The following COPZ1 variants were observed in gnomAD, a reference collection of about 807,000 sequenced individuals.
The protein encoded by COPZ1 is coat protein complex I subunit zeta 1.
COPZ1 carries 4 observed loss-of-function variants against 31.7 expected under a neutral mutation model. That is an observed-to-expected ratio of 0.13 (90% confidence interval 0.06 to 0.29). The LOEUF (loss-of-function observed/expected upper bound fraction) is 0.29. COPZ1 is among the 10% of genes least tolerant of loss of function. The probability of loss-of-function intolerance (pLI) is 1.00; values close to 1 mark genes in which losing one functional copy is unlikely to be tolerated. For missense variants in COPZ1, 156 were observed against 211.5 expected (o/e 0.74, Z 1.63); for synonymous variants, 74 against 79.0 (o/e 0.94, Z 0.33).
At chr12:54,328,472 A>C (rs1953700291) in intron 1 of COPZ1, among the ~76,000 whole-genome samples, 1 of 151,886 alleles carries the variant, frequency 6.6e-6, no homozygotes, top group South Asian at 2.1e-4. Flanking sequence ...AAGCTGAGGC[A>C]AGAGAATCAC....
chr12:54,347,377 A>G (rs1288207258), intron 5 of COPZ1, among the ~76,000 whole-genome samples: 1 of 152,206 alleles, frequency 6.6e-6, no homozygotes, highest in Non-Finnish European at 1.5e-5. Flanking sequence ...TAAGGTTTGC[A>G]TTGAACCCCT....
At chr12:54,342,452 G>A (rs931033157) in intron 3 of COPZ1, 165 bp downstream of exon 3, 5 of 611,178 alleles carry the variant, frequency 8.2e-6, no homozygotes, top group East Asian at 5.6e-5. Flanking sequence ...GGAGGTGAGT[G>A]TACCTCACGC....
chr12:54,350,590 T>A lies in COPZ1; in HGVS notation c.*67T>A. ...TGCATGTCTGCTGTGAATTTTCATC[T>A]AGTTCCCCAATCGATGCTCTCAGGG... On this transcript the variant is annotated 3_prime_UTR_variant, in exon 9 of 9. Transcript: ENST00000262061. The A allele has an allele frequency of 8.0e-7, 1 of 1,244,872 alleles. No homozygotes were observed. The highest frequency in any genetic ancestry group is 1.2e-6 in the Non-Finnish European group (1 of 843,056). The allele number at this position is 1,244,872 out of a possible 1,614,324, so 77.1% of individuals were successfully genotyped here.
intron 2 of COPZ1, among the ~76,000 whole-genome samples, chr12:54,341,152 A>G (rs1473994435): frequency 6.6e-6 from 1 of 152,210 alleles, no homozygotes; most frequent in Non-Finnish European, 1.5e-5. Flanking sequence ...GGTTCCTAAC[A>G]AAGCAGTATG....
intron 2 of COPZ1, among the ~76,000 whole-genome samples, chr12:54,341,655 G>T: frequency 6.6e-6 from 1 of 152,240 alleles, no homozygotes; most frequent in Non-Finnish European, 1.5e-5. Flanking sequence ...TTGCCAGGGA[G>T]AGCCTGGGAA....
At chr12:54,326,682 G>GTGT (rs1178809746) in intron 1 of COPZ1, among the ~76,000 whole-genome samples, 5 of 106,216 alleles carry the variant, frequency 4.7e-5, no homozygotes, top group Admixed American at 9.7e-5. Context: ...TGTGTGTGTA[G>GTGT]GTAGGTAGGT....
At position 54,351,782 on chromosome 12, in the gene COPZ1, G is replaced by C. The variant is rs957824091; in HGVS notation, c.*1259G>C. 1 of 152,192 alleles carries C rather than the reference G, an allele frequency of 6.6e-6. No individual in the cohort carries two copies. The highest frequency in any genetic ancestry group is 2.4e-5 in the African/African-American group (1 of 41,428). 9.4% of individuals were successfully genotyped at this position (152,192 alleles called of 1,614,324 possible). On this transcript the variant is annotated 3_prime_UTR_variant, in exon 9 of 9. Transcript: ENST00000262061. ...GGCATCTTTGTGTAAAAGATGCATG[G>C]AGTCAGGAGAAAACCACCTTCATAA...
chr12:54,331,141 TGCTTTTTTATTTG>T (rs1953743450), intron 1 of COPZ1, among the ~76,000 whole-genome samples: 1 of 151,846 alleles, frequency 6.6e-6, no homozygotes, highest in Admixed American at 6.6e-5. Context: ...AGATGAAGCC[TGCTTTTTTATTTG>T]GCTTTTTATT....
intron 2 of COPZ1, 129 bp from the exon 3 acceptor site, chr12:54,342,077 T>C (rs1317407076): frequency 3.0e-6 from 2 of 662,564 alleles, no homozygotes; most frequent in East Asian, 2.6e-5. Flanking sequence ...TCCTTTTCCA[T>C]GTCAGTATTT....
intron 7 of COPZ1, among the ~76,000 whole-genome samples, chr12:54,349,143 CCG>C (rs1954108096): frequency 6.6e-6 from 1 of 152,186 alleles, no homozygotes; most frequent in Admixed American, 6.5e-5. Context: ...CATCAACTCC[CCG>C]CTTTGTCTTC....
intron 1 of COPZ1, among the ~76,000 whole-genome samples, chr12:54,329,813 T>G (rs946287386): frequency 5.3e-5 from 8 of 152,026 alleles, no homozygotes; most frequent in Non-Finnish European, 1.2e-4. Context: ...AGGATATGAG[T>G]ATGTATGGAG....
intron 8 of COPZ1, 71 bp from the exon 9 acceptor site, chr12:54,350,405 G>A: frequency 8.5e-7 from 1 of 1,180,144 alleles, no homozygotes; most frequent in Non-Finnish European, 1.3e-6. Context: ...TGAGGGGAAG[G>A]AGATCCCCAG....
At chr12:54,325,991 T>G (rs1242572154) in intron 1 of COPZ1, among the ~76,000 whole-genome samples, 1 of 150,974 alleles carries the variant, frequency 6.6e-6, no homozygotes, top group African/African-American at 2.4e-5. Flanking sequence ...GCTATTTTTT[T>G]TGTATTTTTA....
rs1953633545 is a variant in COPZ1 at position 54,326,142 on chromosome 12, T to TATTATTATTATTATTATTATG, written c.18+973_18+974insATTATTATGATTATTATTATT. On this transcript the variant is annotated intron_variant, in intron 1 of 8. Transcript: ENST00000262061. The stretch of plus-strand genomic sequence containing the variant: ...GGCCAGGAATTATTATTATTATTAT[T>TATTATTATTATTATTATTATG]ATTATTATTATTTTTGAGACGGAGT... 4.1e-5 allele frequency among the ~76,000 whole-genome samples: 6 copies of TATTATTATTATTATTATTATG among 144,812 alleles called. 1 individual carries two copies. The South Asian group carries it at 1.3e-3, about 31-fold the overall frequency.
chr12:54,327,328 G>A (rs534093412), intron 1 of COPZ1, among the ~76,000 whole-genome samples: 76 of 141,906 alleles, frequency 5.4e-4, no homozygotes, highest in South Asian at 1.8e-3. Flanking sequence ...ACAGAGTCTC[G>A]CTGTGTCACC....
Position 54,349,755 on chromosome 12 carries a change from G to A in COPZ1, c.486+97G>A. 2.1e-5 allele frequency: 21 copies of A among 1,006,398 alleles called. No individual in the cohort carries two copies. The South Asian group carries it at 2.7e-4, about 13-fold the overall frequency. 62.3% of individuals were successfully genotyped at this position (1,006,398 alleles called of 1,614,324 possible). On this transcript the variant is annotated intron_variant, in intron 8 of 8. Transcript: ENST00000262061. ...CCTCTCAAATCTGAGTGAAACTAGAGACTCAAGACACATCTTCCTTGGCTC... is the reference window on the plus strand; with the variant it reads ...CCTCTCAAATCTGAGTGAAACTAGAAACTCAAGACACATCTTCCTTGGCTC...
chr12:54,332,648 C>T (rs935440154), intron 1 of COPZ1, among the ~76,000 whole-genome samples: 4 of 151,046 alleles, frequency 2.6e-5, no homozygotes, highest in African/African-American at 7.3e-5. Flanking sequence ...GCAGGAGAAT[C>T]GCTTGAACCT....
chr12:54,344,447 G>A (rs1954025061), intron 4 of COPZ1, among the ~76,000 whole-genome samples: 1 of 151,940 alleles, frequency 6.6e-6, no homozygotes, highest in African/African-American at 2.4e-5. Context: ...GGCGTGGTGC[G>A]GGCACCTGTA....
At chr12:54,341,545 T>G (rs1305810584) in intron 2 of COPZ1, among the ~76,000 whole-genome samples, 1 of 152,188 alleles carries the variant, frequency 6.6e-6, no homozygotes, top group African/African-American at 2.4e-5. Flanking sequence ...GAAACAGTTA[T>G]CCAGTTACTA....
Sources: gnomAD v4.1 joint callset for allele counts (sites outside exome capture counted in the v4.1 genomes callset) on GRCh38, gnomAD v4.1.1 for gene constraint, MANE v1.5 for transcripts, NCBI Gene and HGNC (gene_info 2026-07-23, HGNC 2026-07-21) for gene names.